The following KIF6 variants were observed in gnomAD, a reference collection of about 807,000 sequenced individuals.
KIF6 encodes kinesin family member 6.
A neutral mutation model predicts 112.7 loss-of-function variants in KIF6; 106 were observed. That is an observed-to-expected ratio of 0.94 (90% CI 0.80 to 1.11). KIF6 has a LOEUF of 1.11. KIF6 is among the 50% of genes least tolerant of loss of function. The pLI, the probability that KIF6 is intolerant of heterozygous loss-of-function variation, is 0.00. For missense variants in KIF6, 929 were observed against 964.0 expected, an observed-to-expected ratio of 0.96 and a Z score of 0.48; for synonymous variants, 339 against 339.9, an observed-to-expected ratio of 1.00 and a Z score of 0.03.
chr6:39,594,297 T>C (rs1782118158), intron 7 of KIF6, among the ~76,000 whole-genome samples: 2 of 152,108 alleles, frequency 1.3e-5, no homozygotes, highest in Non-Finnish European at 2.9e-5. Context: ...AACCTAATTT[T>C]GCATGAACAG....
intron 14 of KIF6, among the ~76,000 whole-genome samples, chr6:39,429,930 C>T (rs1771035096): frequency 2.0e-5 from 3 of 152,040 alleles, no homozygotes; most frequent in African/African-American, 7.2e-5. Context: ...TGATTTTCAT[C>T]TATCACCAAC....
intron 13 of KIF6, among the ~76,000 whole-genome samples, chr6:39,435,349 T>C (rs552893979): frequency 6.6e-6 from 1 of 152,326 alleles, no homozygotes; most frequent in African/African-American, 2.4e-5. Flanking sequence ...CTTCTAGAAT[T>C]TGTAAGCTCC....
chr6:39,610,688 G>A (rs551373490), intron 6 of KIF6, among the ~76,000 whole-genome samples: 7 of 152,042 alleles, frequency 4.6e-5, no homozygotes, highest in African/African-American at 1.7e-4. Context: ...TTGCTTTCAA[G>A]GTATAAACTA....
At chr6:39,412,508 T>C (rs1173047053) in intron 15 of KIF6, among the ~76,000 whole-genome samples, 1 of 152,270 alleles carries the variant, frequency 6.6e-6, no homozygotes. Context: ...AAATTATTTC[T>C]TCCTTTTTGG....
At chr6:39,398,283 A>T (rs1768421392) in intron 15 of KIF6, among the ~76,000 whole-genome samples, 1 of 152,184 alleles carries the variant, frequency 6.6e-6, no homozygotes, top group African/African-American at 2.4e-5. Flanking sequence ...ACTGTTTCCT[A>T]TAATGTGGGA....
intron 2 of KIF6, 153 bp from the exon 3 acceptor site, chr6:39,714,919 C>G: frequency 3.2e-6 from 2 of 615,420 alleles, no homozygotes; most frequent in Non-Finnish European, 5.8e-6. Context: ...GTAGTCTCAA[C>G]CACACTGTGC....
At chr6:39,499,280 G>C (rs1775969154) in intron 13 of KIF6, among the ~76,000 whole-genome samples, 1 of 152,134 alleles carries the variant, frequency 6.6e-6, no homozygotes, top group South Asian at 2.1e-4. Context: ...GGGCTTCCTG[G>C]AGGTGGTGGC....
At chr6:39,527,855 T>C (rs911791582) in intron 13 of KIF6, among the ~76,000 whole-genome samples, 1 of 152,186 alleles carries the variant, frequency 6.6e-6, no homozygotes, top group Non-Finnish European at 1.5e-5. Flanking sequence ...AATGGACAAA[T>C]TATCATTGTA....
At chr6:39,459,533 T>A (rs1280804715) in intron 13 of KIF6, among the ~76,000 whole-genome samples, 1 of 11,934 alleles carries the variant, frequency 8.4e-5, no homozygotes, top group East Asian at 2.3e-3. Context: ...GGTATCTAAT[T>A]AAACTAAAGA....
intron 16 of KIF6, among the ~76,000 whole-genome samples, chr6:39,375,251 A>G (rs1766346098): frequency 6.6e-6 from 1 of 152,210 alleles, no homozygotes; most frequent in Admixed American, 6.5e-5. Context: ...CAAAGTTTCA[A>G]TTAGATAGGA....
intron 4 of KIF6, among the ~76,000 whole-genome samples, chr6:39,639,291 AT>A (rs1784787557): frequency 6.6e-6 from 1 of 152,130 alleles, no homozygotes; most frequent in East Asian, 1.9e-4. Flanking sequence ...ATAAGAAGAC[AT>A]TCCTCAGTTT....
intron 13 of KIF6, among the ~76,000 whole-genome samples, chr6:39,491,191 C>T (rs1171399969): frequency 6.6e-6 from 1 of 152,050 alleles, no homozygotes; most frequent in African/African-American, 2.4e-5. Flanking sequence ...GTCTTGTTAG[C>T]TGGAATACTA....
chr6:39,536,788 C>G (rs1252766299), intron 13 of KIF6, among the ~76,000 whole-genome samples: 3 of 151,570 alleles, frequency 2.0e-5, no homozygotes, highest in Non-Finnish European at 2.9e-5. Flanking sequence ...ACCAATATCC[C>G]TGATGAACAT....
At chr6:39,712,680 T>C (rs992879552) in intron 3 of KIF6, among the ~76,000 whole-genome samples, 1 of 152,076 alleles carries the variant, frequency 6.6e-6, no homozygotes, top group African/African-American at 2.4e-5. Context: ...CTGGCCAAGA[T>C]GGTGAAACCC....
chr6:39,516,839 T>G (rs572892570), intron 13 of KIF6, among the ~76,000 whole-genome samples: 1 of 152,356 alleles, frequency 6.6e-6, no homozygotes, highest in South Asian at 2.1e-4. Flanking sequence ...GAAAGCCAGC[T>G]AACTATGGTT....
At chr6:39,659,810 G>A (rs546738206) in intron 3 of KIF6, among the ~76,000 whole-genome samples, 1 of 152,270 alleles carries the variant, frequency 6.6e-6, no homozygotes, top group South Asian at 2.1e-4. Flanking sequence ...CCAGTTTTGT[G>A]TATTTCTTCA....
At chr6:39,648,983 G>T (rs946189644) in intron 3 of KIF6, among the ~76,000 whole-genome samples, 1 of 144,798 alleles carries the variant, frequency 6.9e-6, no homozygotes, top group African/African-American at 2.6e-5. Flanking sequence ...AACATAGCAA[G>T]ACCCTGTCTC....
intron 14 of KIF6, among the ~76,000 whole-genome samples, chr6:39,424,146 G>A (rs925607497): frequency 1.5e-4 from 23 of 152,172 alleles, no homozygotes; most frequent in South Asian, 2.1e-4. Flanking sequence ...TCTTAGTTTC[G>A]TCAAGTGTCA....
intron 10 of KIF6, among the ~76,000 whole-genome samples, chr6:39,575,362 C>T (rs1190746116): frequency 2.6e-5 from 4 of 151,924 alleles, no homozygotes; most frequent in Admixed American, 2.6e-4. Flanking sequence ...GCTCTGCCTC[C>T]CGGGTTGACG....
Sources: gnomAD v4.1 joint callset for allele counts (sites outside exome capture counted in the v4.1 genomes callset) on GRCh38, gnomAD v4.1.1 for gene constraint, MANE v1.5 for transcripts, NCBI Gene and HGNC (gene_info 2026-07-23, HGNC 2026-07-21) for gene names.